Variants in ANKRD17 observed in about 807,000 individuals in gnomAD.
ANKRD17 encodes ankyrin repeat domain 17, also known as ankyrin repeat domain-containing protein 17.
Under a neutral mutation model 229.7 loss-of-function variants are expected in ANKRD17, and 19 were observed. The ratio of observed to expected loss-of-function variants is 0.08; its 90% CI spans 0.06 to 0.12. The LOEUF (loss-of-function observed/expected upper bound fraction) is 0.12. Among genes scored for constraint, ANKRD17 ranks in the 10% least tolerant of loss-of-function variants. The pLI, the probability that ANKRD17 is intolerant of heterozygous loss-of-function variation, is 1.00. For synonymous variants in ANKRD17, 1,112 were observed against 1,146.1 expected (o/e 0.97, Z 0.60); for missense variants, 2,176 against 3,176.8 (o/e 0.68, Z 7.57).
chr4:73,131,981 A>G (rs1022320827), intron 16 of ANKRD17, among the ~76,000 whole-genome samples: 9 of 152,156 alleles, frequency 5.9e-5, no homozygotes, highest in African/African-American at 2.2e-4. Flanking sequence ...CAAAGTACCC[A>G]CTATGTAAGA....
rs1172659996 is a variant in ANKRD17, at chr4:73,090,676, T to C, written c.6952A>G (p.Ser2318Gly). ...FRPPLQRPAP[S>G]PSGIVNMDSP... ...GAAAATATAAACTCACCTGAGGGAC[T>C]TGGAGCAGGTCTCTGTAATGGTGGT... The change falls in exon 29 of 34, where the codon AGT becomes GGT. Residue 2318 changes from serine to glycine, a missense_variant. Coordinates refer to ENST00000358602, the MANE Select transcript of ANKRD17 (RefSeq NM_032217.5). 1.9e-6 allele frequency: 3 copies of C among 1,614,064 alleles called. No individual in the cohort carries two copies. The highest frequency in any genetic ancestry group is 2.7e-5 in the African/African-American group (2 of 74,924).
chr4:73,108,209 C>A (rs990342656), intron 24 of ANKRD17, among the ~76,000 whole-genome samples: 2 of 152,020 alleles, frequency 1.3e-5, no homozygotes, highest in Admixed American at 1.3e-4. Context: ...AGGTTTCTGG[C>A]CTGAGCAATA....
intron 15 of ANKRD17, among the ~76,000 whole-genome samples, 178 bp from the exon 16 acceptor site, chr4:73,135,443 T>C (rs1055439221): frequency 2.0e-5 from 3 of 152,208 alleles, no homozygotes; most frequent in Non-Finnish European, 4.4e-5. Flanking sequence ...AAAATTGTAA[T>C]GTATACTGAG....
intron 1 of ANKRD17, among the ~76,000 whole-genome samples, chr4:73,205,339 A>G (rs554474842): frequency 5.3e-5 from 8 of 152,284 alleles, no homozygotes; most frequent in Admixed American, 4.6e-4. Context: ...TTAGCAAAAT[A>G]AAAAATTTAA....
At chr4:73,101,106 T>A in intron 25 of ANKRD17, 1 of 836,630 alleles carries the variant, frequency 1.2e-6, no homozygotes, top group Non-Finnish European at 1.4e-6. Flanking sequence ...ATGCAAATAT[T>A]ACACCATGTT....
intron 24 of ANKRD17, among the ~76,000 whole-genome samples, chr4:73,103,637 T>C (rs1488813313): frequency 1.3e-5 from 2 of 152,250 alleles, no homozygotes; most frequent in African/African-American, 4.8e-5. Context: ...TGAATTATTT[T>C]ATGTGTATTT....
intron 1 of ANKRD17, among the ~76,000 whole-genome samples, chr4:73,180,736 T>C (rs1039113272): frequency 1.2e-4 from 18 of 152,222 alleles, no homozygotes; most frequent in Admixed American, 1.1e-3. Context: ...TTATGATTAA[T>C]GAAGGAGCTA....
chr4:73,129,309 T>G (rs1727879950), intron 16 of ANKRD17, among the ~76,000 whole-genome samples: 1 of 152,228 alleles, frequency 6.6e-6, no homozygotes, highest in Non-Finnish European at 1.5e-5. Context: ...TATTCAATTT[T>G]ATAATGGTGG....
chr4:73,247,349 C>A (rs1208211819), intron 1 of ANKRD17, among the ~76,000 whole-genome samples: 2 of 152,066 alleles, frequency 1.3e-5, no homozygotes, highest in East Asian at 3.9e-4. Flanking sequence ...CATACTCTAG[C>A]CCAACAATTC....
At chr4:73,225,060 T>A (rs1357131517) in intron 1 of ANKRD17, among the ~76,000 whole-genome samples, 1 of 152,232 alleles carries the variant, frequency 6.6e-6, no homozygotes, top group Admixed American at 6.5e-5. Flanking sequence ...GGTATGGGTA[T>A]GCCTGGCATT....
In ANKRD17 at chr4:73,091,924, G is replaced by T; in HGVS notation, c.5704C>A (p.Gln1902Lys). 1.2e-6 allele frequency: 2 copies of T among 1,614,198 alleles called. No homozygotes were observed. The highest frequency in any genetic ancestry group is 1.7e-6 in the Non-Finnish European group (2 of 1,180,032). The change falls in exon 29 of 34, where the codon CAG (glutamine) becomes AAG (lysine). Residue 1902 changes from glutamine to lysine, a missense_variant. This residue lies in a region of ANKRD17 where 142 missense variants were observed against 200.4 expected (regional missense o/e 0.71). Coordinates refer to ENST00000358602, the MANE Select transcript of ANKRD17 (RefSeq NM_032217.5). ...HALLAAQTFQ[Q>K]IRPPRLPMTH... ...ATGGGCAACCTTGGTGGACGGATCT[G>T]CTGGAAAGTCTGAGCAGCAAGCAAA... is the stretch of plus-strand genomic sequence containing the variant.
intron 1 of ANKRD17, among the ~76,000 whole-genome samples, chr4:73,212,902 C>A (rs1439548815): frequency 6.6e-6 from 1 of 151,406 alleles, no homozygotes; most frequent in African/African-American, 2.4e-5. Flanking sequence ...TGGTGTGTGC[C>A]TGTAATTCCA....
intron 25 of ANKRD17, chr4:73,100,895 T>C (rs1207446049): frequency 2.0e-6 from 2 of 985,266 alleles, no homozygotes; most frequent in Admixed American, 6.2e-5. Flanking sequence ...TTCATGGCAA[T>C]GGTTCCTTCC....
At chr4:73,175,031 T>A (rs1038263584) in intron 2 of ANKRD17, among the ~76,000 whole-genome samples, 1 of 152,188 alleles carries the variant, frequency 6.6e-6, no homozygotes, top group Non-Finnish European at 1.5e-5. Flanking sequence ...GCAATTCCTA[T>A]CAAAATACTA....
chr4:73,190,836 C>T (rs937878983), intron 1 of ANKRD17, among the ~76,000 whole-genome samples: 115 of 151,776 alleles, frequency 7.6e-4, no homozygotes, highest in African/African-American at 2.8e-3. Context: ...ATACACCTAA[C>T]AAGAAAAGTG....
In ANKRD17 at chr4:73,092,184, T is replaced by C. The variant is rs746879256; in HGVS notation, c.5444A>G (p.Asn1815Ser). ...PKNRLKSSSA[N>S]SKIGSSAPTT... is the part of the protein sequence containing the mutation. ...AGGTGCTGATGACCCTATTTTGGAA[T>C]TTGCTGAGGAGCTTTTCAAACGATT... The change falls in exon 29 of 34, where the codon AAT becomes AGT. Residue 1815 changes from asparagine to serine, a missense_variant. Physicochemically the swap from Asn to Ser is conservative, Grantham distance 46. Transcript: ENST00000358602. 1.9e-6 allele frequency: 3 copies of C among 1,614,168 alleles called. No individual in the cohort carries two copies. In the South Asian group the frequency reaches 3.3e-5, roughly 18 times the overall value.
intron 26 of ANKRD17, among the ~76,000 whole-genome samples, 189 bp from the exon 27 acceptor site, chr4:73,097,461 G>A (rs1158906552): frequency 1.3e-5 from 2 of 149,094 alleles, no homozygotes; most frequent in African/African-American, 5.0e-5. Flanking sequence ...TTTGAGACAG[G>A]TCTTGCTCTG....
intron 15 of ANKRD17, 138 bp downstream of exon 15, chr4:73,139,393 G>A (rs1462966843): frequency 2.0e-6 from 2 of 985,556 alleles, no homozygotes; most frequent in Admixed American, 2.9e-5. Context: ...TTCTGAGATT[G>A]AACTAATACT....
intron 1 of ANKRD17, among the ~76,000 whole-genome samples, chr4:73,192,647 G>C (rs191253597): frequency 6.6e-6 from 1 of 151,942 alleles, no homozygotes; most frequent in East Asian, 1.9e-4. Context: ...AAAATATAAA[G>C]AATCACCCAA....
Sources: gnomAD v4.1 joint callset for allele counts (sites outside exome capture counted in the v4.1 genomes callset) on GRCh38, gnomAD v4.1.1 for gene constraint, gnomAD v4.1.1 regional missense constraint, MANE v1.5 for transcripts, NCBI Gene and HGNC (gene_info 2026-07-23, HGNC 2026-07-21) for gene names.